Variants in ZMIZ1 observed in about 807,000 individuals in gnomAD.
ZMIZ1 encodes zinc finger MIZ-type containing 1.
In ZMIZ1, 17 loss-of-function variants were observed where a neutral mutation model predicts 113.9. That is an observed-to-expected ratio of 0.15 (90% CI 0.10 to 0.22). The LOEUF (loss-of-function observed/expected upper bound fraction) is 0.22, where lower values mean the gene tolerates loss of function less well. ZMIZ1 is among the 10% of genes least tolerant of loss of function. The probability of loss-of-function intolerance (pLI) is 1.00; values close to 1 mark genes in which losing one functional copy is unlikely to be tolerated. For missense variants in ZMIZ1, 1,059 were observed against 1,477.8 expected, an observed-to-expected ratio of 0.72 and a Z score of 4.65; for synonymous variants, 607 against 603.1, an observed-to-expected ratio of 1.01 and a Z score of -0.09.
At chr10:79,150,360 C>T (rs1176128649) in intron 3 of ZMIZ1, among the ~76,000 whole-genome samples, 1 of 152,248 alleles carries the variant, frequency 6.6e-6, no homozygotes, top group East Asian at 1.9e-4. Flanking sequence ...GCCGCCCTGC[C>T]TCTGGCCTGC....
chr10:79,290,940 A>G lies in ZMIZ1; in HGVS notation c.541-19A>G, dbSNP rs768019486. ...GCCTCGGGTAGCACCTTAGGTGACAACCACTTCTCTGCCCACAGGTCCTTG... is the reference window on the plus strand; with the variant it reads ...GCCTCGGGTAGCACCTTAGGTGACAGCCACTTCTCTGCCCACAGGTCCTTG... On this transcript the variant is annotated intron_variant, in intron 9 of 24. Transcript: ENST00000334512. The G allele has an allele frequency of 5.6e-6, 9 of 1,610,148 alleles. No individual in the cohort carries two copies. The highest frequency in any genetic ancestry group is 1.3e-5 in the African/African-American group (1 of 74,808).
intron 2 of ZMIZ1, among the ~76,000 whole-genome samples, chr10:79,126,240 G>A (rs1360035801): frequency 6.6e-6 from 1 of 152,230 alleles, no homozygotes; most frequent in African/African-American, 2.4e-5. Context: ...GGCCTAGTGT[G>A]AGGCTTATAA....
At chr10:79,200,914 T>G (rs1848051414) in intron 4 of ZMIZ1, among the ~76,000 whole-genome samples, 1 of 151,984 alleles carries the variant, frequency 6.6e-6, no homozygotes, top group Admixed American at 6.6e-5. Context: ...CACACACACA[T>G]ACACACGTAC....
At chr10:79,108,596 T>C (rs1402031597) in intron 1 of ZMIZ1, among the ~76,000 whole-genome samples, 3 of 151,886 alleles carry the variant, frequency 2.0e-5, no homozygotes, top group African/African-American at 4.8e-5. Flanking sequence ...GGGGGCCTGA[T>C]TGGGGTAAGG....
In ZMIZ1 at chr10:79,298,508, C is replaced by T; in HGVS notation, c.1594C>T (p.Pro532Ser). 6.2e-7 allele frequency: 1 copy of T among 1,603,580 alleles called. No homozygotes were observed. Residue 532 changes from proline to serine, a missense_variant, in exon 15 of 25, where the codon CCC becomes TCC. Pro to Ser is a moderately conservative substitution (Grantham distance 74). Around this residue, in one of 6 missense-constraint regions of ZMIZ1, gnomAD observed 239 missense variants for 247.5 expected, o/e 0.97. Transcript: ENST00000334512. ...PGSSIPPYLS[P>S]SQDVKPPFPP... The stretch of plus-strand genomic sequence containing the variant: ...GAGCAGCATCCCTCCATACCTGTCC[C>T]CCAGCCAAGACGTCAAACCACCCTT...
chr10:79,159,986 C>T (rs1846044684), intron 3 of ZMIZ1, among the ~76,000 whole-genome samples: 1 of 152,224 alleles, frequency 6.6e-6, no homozygotes, highest in South Asian at 2.1e-4. Context: ...CACTGGGGAG[C>T]GAGGGCTTTT....
At chr10:79,135,355 C>T (rs1346189863) in intron 2 of ZMIZ1, among the ~76,000 whole-genome samples, 2 of 152,128 alleles carry the variant, frequency 1.3e-5, no homozygotes, top group African/African-American at 4.8e-5. Flanking sequence ...TCTCCCCAGC[C>T]CTGCAGTTGG....
intron 1 of ZMIZ1, among the ~76,000 whole-genome samples, chr10:79,105,778 GTATT>G (rs773172448): frequency 1.3e-4 from 20 of 152,344 alleles, no homozygotes; most frequent in Non-Finnish European, 2.1e-4. Flanking sequence ...AAAAATAAAA[GTATT>G]TATGCAAAAG....
At chr10:79,286,408 GCCCGTCTCC>G (rs1295878777) in intron 8 of ZMIZ1, among the ~76,000 whole-genome samples, 6 of 152,254 alleles carry the variant, frequency 3.9e-5, no homozygotes, top group Non-Finnish European at 8.8e-5. Flanking sequence ...GACAGCAGGA[GCCCGTCTCC>G]CCCAGAATGA....
intron 17 of ZMIZ1, 47 bp from the exon 18 acceptor site, chr10:79,302,060 G>T: frequency 1.3e-6 from 2 of 1,592,896 alleles, no homozygotes; most frequent in Non-Finnish European, 8.6e-7. Flanking sequence ...GCAGGGCGGG[G>T]TGTGGGGACA....
chr10:79,231,685 TCTC>T (rs1280569145), intron 7 of ZMIZ1, among the ~76,000 whole-genome samples: 1 of 152,140 alleles, frequency 6.6e-6, no homozygotes, highest in East Asian at 1.9e-4. Flanking sequence ...TTCAAGTAAT[TCTC>T]CTATCTCCGC....
chr10:79,267,879 T>A lies in ZMIZ1; in HGVS notation c.281-9302T>A, dbSNP rs200399745. On this transcript the variant is annotated intron_variant, in intron 7 of 24. Coordinates refer to ENST00000334512, the MANE Select transcript of ZMIZ1 (RefSeq NM_020338.4). Reference sequence around the variant, plus strand: ...ATTTGATGAGGAGTCCAGGCCCGTGTTGACTCAAACCCCTGTGTCTGCTGC... The same window carrying A: ...ATTTGATGAGGAGTCCAGGCCCGTGATGACTCAAACCCCTGTGTCTGCTGC... 3.3e-5 allele frequency among the ~76,000 whole-genome samples: 5 copies of A among 152,298 alleles called. No homozygotes were observed. The East Asian group carries it at 5.8e-4, about 18-fold the overall frequency.
intron 7 of ZMIZ1, among the ~76,000 whole-genome samples, chr10:79,246,305 T>C (rs1319113497): frequency 6.6e-6 from 1 of 152,230 alleles, no homozygotes; most frequent in African/African-American, 2.4e-5. Flanking sequence ...TTGGTGCCAG[T>C]AGGCGTCAGT....
chr10:79,114,463 ATGTGTGTGTGTGTC>A (rs1843904928), intron 1 of ZMIZ1, among the ~76,000 whole-genome samples: 3 of 104,054 alleles, frequency 2.9e-5, no homozygotes, highest in African/African-American at 7.6e-5. Flanking sequence ...CTGGGTGTGT[ATGTGTGTGTGTGTC>A]TGTGTGTGTG....
intron 1 of ZMIZ1, among the ~76,000 whole-genome samples, chr10:79,085,179 C>T (rs907944995): frequency 2.0e-5 from 3 of 152,202 alleles, no homozygotes; most frequent in Non-Finnish European, 4.4e-5. Flanking sequence ...TCTCTTCTCT[C>T]TCCACTTCAT....
intron 7 of ZMIZ1, among the ~76,000 whole-genome samples, chr10:79,276,350 G>A (rs749275653): frequency 2.0e-5 from 3 of 152,236 alleles, no homozygotes; most frequent in African/African-American, 4.8e-5. Context: ...CCTGGGAGGC[G>A]CTTTTGGCTC....
chr10:79,168,335 C>T (rs1846449449), intron 4 of ZMIZ1, among the ~76,000 whole-genome samples: 2 of 152,236 alleles, frequency 1.3e-5, no homozygotes, highest in African/African-American at 2.4e-5. Context: ...GAGCCAACAG[C>T]CCCCCTTTCT....
At chr10:79,202,560 C>G (rs1056836285) in intron 5 of ZMIZ1, among the ~76,000 whole-genome samples, 4 of 151,932 alleles carry the variant, frequency 2.6e-5, no homozygotes, top group East Asian at 3.9e-4. Flanking sequence ...CTCAGCCCCT[C>G]TGGTGCTGGG....
chr10:79,172,996 TGGG>T (rs2132537437), intron 4 of ZMIZ1, among the ~76,000 whole-genome samples: 1 of 152,232 alleles, frequency 6.6e-6, no homozygotes, highest in Admixed American at 6.5e-5. Context: ...GTGAGTCAGA[TGGG>T]GGATTCACAG....
Sources: gnomAD v4.1 joint callset for allele counts (sites outside exome capture counted in the v4.1 genomes callset) on GRCh38, gnomAD v4.1.1 for gene constraint, gnomAD v4.1.1 regional missense constraint, MANE v1.5 for transcripts, NCBI Gene and HGNC (gene_info 2026-07-23, HGNC 2026-07-21) for gene names.